SCN10A: variants seen among roughly 807,000 people sequenced by gnomAD.
The protein encoded by SCN10A is sodium channel protein type 10 subunit alpha.
SCN10A carries 162 observed loss-of-function variants against 170.7 expected under a neutral mutation model. The observed-to-expected ratio is 0.95, with a 90% CI of 0.84 to 1.08. The LOEUF (loss-of-function observed/expected upper bound fraction) is 1.08. Ranked by LOEUF, SCN10A falls within the 50% of genes least tolerant of loss-of-function variation. The pLI, the probability that SCN10A is intolerant of heterozygous loss-of-function variation, is 0.00. For synonymous variants in SCN10A, 985 were observed against 904.6 expected (o/e 1.09, Z -1.59); for missense variants, 2,527 against 2,436.9 (o/e 1.04, Z -0.78).
At chr3:38,781,301 G>A (rs1047255670) in intron 4 of SCN10A, among the ~76,000 whole-genome samples, 11 of 151,898 alleles carry the variant, frequency 7.2e-5, no homozygotes, top group African/African-American at 2.4e-4. Context: ...GTCTGCTGCC[G>A]GTCTGATCTA....
In SCN10A at chr3:38,739,520, G is replaced by A. The variant is rs745659019; in HGVS notation, c.2275C>T (p.Arg759Cys). Reference sequence around the variant, plus strand: ...CATCAAGAGAAAAACATTACCAAGCGGAAGCTCCGCAGCACAGACAGGCTT... The same window carrying A: ...CATCAAGAGAAAAACATTACCAAGCAGAAGCTCCGCAGCACAGACAGGCTT... Reference protein sequence around the residue: ...KGSLSVLRSFRLLRVFKLAKS... With the variant: ...KGSLSVLRSFCLLRVFKLAKS... The change falls in exon 15 of 28, where the codon CGC (arginine) becomes TGC (cysteine). Residue 759 changes from arginine to cysteine, a missense_variant. Coordinates refer to ENST00000449082, the MANE Select transcript of SCN10A (RefSeq NM_006514.4). 1.1e-5 allele frequency: 17 copies of A among 1,613,020 alleles called. No homozygotes were observed. The highest frequency in any genetic ancestry group is 1.7e-5 in the Admixed American group (1 of 59,870).
chr3:38,752,312 A>G lies in SCN10A; in HGVS notation c.1662T>C (p.Leu554=). Residue 554 remains leucine (L), a synonymous_variant, in exon 12 of 28, where the codon CTT becomes CTC. Transcript: ENST00000449082. The part of the protein sequence containing the change: ...GQQGPLPRSP[L]PQPSNPDSRH... The stretch of plus-strand genomic sequence containing the variant: ...TGGAGTCAGGGTTGCTGGGTTGAGG[A>G]AGAGGGCTTCTAGGGAGGGGGCCTT... 3.7e-6 allele frequency: 6 copies of G among 1,610,686 alleles called. No individual in the cohort carries two copies. The highest frequency in any genetic ancestry group is 5.1e-6 in the Non-Finnish European group (6 of 1,178,592).
chr3:38,707,342 T>C lies in SCN10A; in HGVS notation c.4323A>G (p.Lys1441=), dbSNP rs6790627. 0.16 allele frequency: 252,519 copies of C among 1,613,838 alleles called. 22,270 individuals carry two copies. The highest frequency in any genetic ancestry group is 0.34 in the African/African-American group (25,498 of 74,922). The change falls in exon 26 of 28, where the codon AAA becomes AAG. Residue 1441 remains lysine (K), a synonymous_variant. Transcript: ENST00000449082. ...CCAACTTCTTCATGGCATTGTAGTA[T>C]TTCTTCTGCTCCTCTGTCATGAAGA... ...QDIFMTEEQK[K]YYNAMKKLGS... is the part of the protein sequence containing the mutation.
At position 38,739,557 on chromosome 3, in the gene SCN10A, C is replaced by T; in HGVS notation, c.2238G>A (p.Val746=). The T allele has an allele frequency of 6.2e-7, 1 of 1,614,112 alleles. No homozygotes were observed. The highest frequency in any genetic ancestry group is 1.6e-4 in the Middle Eastern group (1 of 6,062). ...IVTVSLLELG[V]AKKGSLSVLR... is the part of the protein sequence containing the mutation. Reference sequence around the variant, plus strand: ...GCACAGACAGGCTTCCCTTCTTGGCCACGCCCAGCTCTAGCAGACTCACAG... The same window carrying T: ...GCACAGACAGGCTTCCCTTCTTGGCTACGCCCAGCTCTAGCAGACTCACAG... The change falls in exon 15 of 28, where the codon GTG becomes GTA. Residue 746 remains valine (V), a synonymous_variant. Transcript: ENST00000449082.
At chr3:38,733,028 G>T (rs2063526832) in intron 15 of SCN10A, among the ~76,000 whole-genome samples, 1 of 152,156 alleles carries the variant, frequency 6.6e-6, no homozygotes, top group Non-Finnish European at 1.5e-5. Context: ...ACTGTTTCTT[G>T]TGCAAGAGAA....
At position 38,772,800 on chromosome 3, in the gene SCN10A, T is replaced by C. The variant is rs1024823707; in HGVS notation, c.471-1393A>G. On this transcript the variant is annotated intron_variant, in intron 4 of 27. Transcript: ENST00000449082. ...AAGAGGTGAGAAGAGGCTCCACGTA[T>C]AGAACAAGAGCAGAAGGATGTAAAA... 2.1e-4 allele frequency among the ~76,000 whole-genome samples: 31 copies of C among 150,650 alleles called. 1 individual carries two copies. The highest frequency in any genetic ancestry group is 7.1e-4 in the African/African-American group (29 of 40,748).
intron 21 of SCN10A, among the ~76,000 whole-genome samples, chr3:38,715,201 C>A (rs547139778): frequency 3.9e-5 from 6 of 152,266 alleles, no homozygotes; most frequent in Non-Finnish European, 5.9e-5. Context: ...CCTATTCAGT[C>A]TTTTGCTCAG....
Position 38,697,849 on chromosome 3 carries a change from G to T in SCN10A, c.5371C>A (p.Pro1791Thr), listed in dbSNP as rs371803816. 33 of 1,614,020 alleles carry T rather than the reference G, an allele frequency of 2.0e-5. No homozygotes were observed. Among genetic ancestry groups the T allele is most frequent in the Non-Finnish European group, 2.6e-5 (31 of 1,180,006 alleles). ...NRNILIQMDL[P>T]LVPGDKIHCL... ...TGGATCTTATCTCCAGGGACCAAAG[G>T]CAGGTCCATCTGGATCAGTATATTT... is the stretch of plus-strand genomic sequence containing the variant. The change falls in exon 28 of 28, where the codon CCT becomes ACT. Residue 1791 changes from proline to threonine, a missense_variant. By Grantham distance (38) the Pro-to-Thr change is conservative. Coordinates refer to ENST00000449082, the MANE Select transcript of SCN10A (RefSeq NM_006514.4).
chr3:38,775,586 CA>C (rs2064062989), intron 4 of SCN10A, among the ~76,000 whole-genome samples: 1 of 152,066 alleles, frequency 6.6e-6, no homozygotes, highest in Non-Finnish European at 1.5e-5. Flanking sequence ...TTAATTAAAC[CA>C]GAGAGCTCTT....
intron 26 of SCN10A, 141 bp from the exon 27 acceptor site, chr3:38,702,250 T>G: frequency 4.5e-6 from 4 of 896,478 alleles, no homozygotes; most frequent in Non-Finnish European, 6.3e-6. Context: ...CTTCCAAAAT[T>G]TCACTTTTAG....
chr3:38,758,975 T>G (rs1461893080), intron 8 of SCN10A, among the ~76,000 whole-genome samples: 1 of 152,204 alleles, frequency 6.6e-6, no homozygotes, highest in African/African-American at 2.4e-5. Context: ...TGAAAACTGA[T>G]GTCAGAACAA....
At chr3:38,808,536 C>T (rs1217553318) in intron 1 of SCN10A, among the ~76,000 whole-genome samples, 1 of 152,160 alleles carries the variant, frequency 6.6e-6, no homozygotes, top group African/African-American at 2.4e-5. Flanking sequence ...AACAATGTGA[C>T]ACATGTAAGT....
chr3:38,727,248 C>T (rs916238442), intron 16 of SCN10A, among the ~76,000 whole-genome samples, 196 bp from the exon 17 acceptor site: 17 of 152,270 alleles, frequency 1.1e-4, no homozygotes, highest in African/African-American at 3.6e-4. Context: ...TGGAGTGACC[C>T]GCCTCAGTGG....
chr3:38,770,789 C>G (rs918097365), intron 5 of SCN10A, among the ~76,000 whole-genome samples: 4 of 152,184 alleles, frequency 2.6e-5, no homozygotes, highest in Non-Finnish European at 4.4e-5. Context: ...TGACCCCTCC[C>G]TGATTCCACT....
intron 4 of SCN10A, among the ~76,000 whole-genome samples, chr3:38,776,342 T>C (rs1028348262): frequency 7.2e-5 from 11 of 152,240 alleles, no homozygotes; most frequent in African/African-American, 2.6e-4. Context: ...ATATTTCTAT[T>C]TTTATCATTA....
chr3:38,801,879 G>T (rs1174241654), intron 1 of SCN10A, among the ~76,000 whole-genome samples: 1 of 152,078 alleles, frequency 6.6e-6, no homozygotes, highest in Non-Finnish European at 1.5e-5. Context: ...TTTTCATGTA[G>T]GTGACTCCAA....
At chr3:38,735,474 A>G (rs1225676166) in intron 15 of SCN10A, among the ~76,000 whole-genome samples, 1 of 152,254 alleles carries the variant, frequency 6.6e-6, no homozygotes, top group Non-Finnish European at 1.5e-5. Context: ...AGACTGAATT[A>G]TGTAAAGATT....
intron 4 of SCN10A, among the ~76,000 whole-genome samples, chr3:38,783,097 T>C (rs1007193023): frequency 6.6e-6 from 1 of 152,114 alleles, no homozygotes; most frequent in Non-Finnish European, 1.5e-5. Context: ...ACACCAGTTC[T>C]ACCACTTAAG....
chr3:38,792,796 T>A (rs1161819546), intron 2 of SCN10A, among the ~76,000 whole-genome samples: 1 of 152,176 alleles, frequency 6.6e-6, no homozygotes, highest in Non-Finnish European at 1.5e-5. Flanking sequence ...ACAGGTGAGA[T>A]AATTGTCATG....
Sources: allele counts gnomAD v4.1 joint callset (sites outside exome capture counted in the v4.1 genomes callset), GRCh38; gene constraint gnomAD v4.1.1; transcripts MANE v1.5; gene names NCBI Gene and HGNC (gene_info 2026-07-23, HGNC 2026-07-21).